The following AOAH variants were observed in gnomAD, a reference collection of about 807,000 sequenced individuals.
AOAH encodes the protein acyloxyacyl hydrolase, also known as acyloxyacyl hydrolase (neutrophil).
Under a neutral mutation model 92.2 loss-of-function variants are expected in AOAH, and 64 were observed. That is an observed-to-expected ratio of 0.69 (90% CI 0.57 to 0.86). The LOEUF (loss-of-function observed/expected upper bound fraction) is 0.86. AOAH is among the 40% of genes least tolerant of loss of function. AOAH has a pLI of 0.00. For synonymous variants in AOAH, 263 were observed against 254.5 expected (o/e 1.03, Z -0.32); for missense variants, 656 against 694.6 (o/e 0.94, Z 0.62).
chr7:36,602,646 G>A (rs7808955), intron 11 of AOAH, among the ~76,000 whole-genome samples: 38,661 of 151,808 alleles, frequency 0.25, 5,146 homozygotes, highest in Middle Eastern at 0.31. Flanking sequence ...AGAGGTACAC[G>A]TCCTCAAAGC....
intron 6 of AOAH, 24 bp downstream of exon 6, chr7:36,632,012 G>T: frequency 5.0e-6 from 8 of 1,585,758 alleles, no homozygotes; most frequent in Non-Finnish European, 6.0e-6. Context: ...CTAGTGCTCA[G>T]GAAGGTAGAA....
At chr7:36,642,172 G>T (rs576351371) in intron 4 of AOAH, among the ~76,000 whole-genome samples, 2 of 151,726 alleles carry the variant, frequency 1.3e-5, no homozygotes, top group Non-Finnish European at 2.9e-5. Context: ...AAGTAATTGC[G>T]GTTTTGCCAT....
chr7:36,566,837 T>A (rs1039983697), intron 13 of AOAH, among the ~76,000 whole-genome samples: 14 of 152,072 alleles, frequency 9.2e-5, no homozygotes, highest in African/African-American at 3.1e-4. Flanking sequence ...CAGAGCCCCC[T>A]CTCAAGGGCT....
intron 6 of AOAH, among the ~76,000 whole-genome samples, chr7:36,626,466 C>A (rs1792672492): frequency 6.6e-6 from 1 of 152,198 alleles, no homozygotes; most frequent in Non-Finnish European, 1.5e-5. Flanking sequence ...AGACTGGGTA[C>A]TCAGAGTAGC....
intron 2 of AOAH, among the ~76,000 whole-genome samples, 174 bp from the exon 3 acceptor site, chr7:36,674,183 A>C (rs972384990): frequency 6.6e-6 from 1 of 152,200 alleles, no homozygotes; most frequent in Non-Finnish European, 1.5e-5. Flanking sequence ...TATCACTTCT[A>C]TCTCAGGTTT....
At chr7:36,638,058 A>G (rs1468567775) in intron 4 of AOAH, 148 bp from the exon 5 acceptor site, 2 of 679,036 alleles carry the variant, frequency 2.9e-6, no homozygotes, top group African/African-American at 1.8e-5. Context: ...CAAGAAGGCA[A>G]TTTCACATTA....
intron 11 of AOAH, among the ~76,000 whole-genome samples, chr7:36,613,215 C>T (rs1791598282): frequency 6.6e-6 from 1 of 152,140 alleles, no homozygotes; most frequent in Admixed American, 6.6e-5. Context: ...ACAATTTTTC[C>T]TTCTTAAAAT....
At chr7:36,570,099 C>G (rs1788036594) in intron 13 of AOAH, among the ~76,000 whole-genome samples, 1 of 152,142 alleles carries the variant, frequency 6.6e-6, no homozygotes, top group African/African-American at 2.4e-5. Context: ...CGTTACACAA[C>G]AGATCCCTAG....
At chr7:36,587,977 C>T (rs574250979) in intron 12 of AOAH, among the ~76,000 whole-genome samples, 12 of 152,222 alleles carry the variant, frequency 7.9e-5, no homozygotes, top group African/African-American at 2.4e-4. Flanking sequence ...GCTCTCATCT[C>T]GCCTACACAA....
intron 11 of AOAH, among the ~76,000 whole-genome samples, chr7:36,610,859 C>T (rs1791404226): frequency 6.6e-6 from 1 of 152,052 alleles, no homozygotes; most frequent in Non-Finnish European, 1.5e-5. Context: ...GATAGATTGC[C>T]CAGCCAAGAA....
chr7:36,720,430 C>T (rs1799547089), intron 1 of AOAH, among the ~76,000 whole-genome samples: 1 of 152,024 alleles, frequency 6.6e-6, no homozygotes, highest in South Asian at 2.1e-4. Flanking sequence ...CTCAGCATCC[C>T]AAAGTGCTGG....
At position 36,626,808 on chromosome 7, in the gene AOAH, G is replaced by A. The variant is rs189946294; in HGVS notation, c.522-3558C>T. The stretch of plus-strand genomic sequence containing the variant: ...TTTTTGTGTTTGTTTTTATAGAGAC[G>A]GGGTCTTGCTCTGTTGCCCAGGCTG... On this transcript the variant is annotated intron_variant, in intron 6 of 20. Coordinates refer to ENST00000617537, the MANE Select transcript of AOAH (RefSeq NM_001637.4). Among the ~76,000 whole-genome samples, 16 of 152,202 alleles carry A rather than the reference G, an allele frequency of 1.1e-4. No homozygotes were observed. In the East Asian group the frequency reaches 1.7e-3, roughly 17 times the overall value.
chr7:36,605,173 G>A (rs558066044), intron 11 of AOAH, among the ~76,000 whole-genome samples: 1 of 152,132 alleles, frequency 6.6e-6, no homozygotes, highest in Non-Finnish European at 1.5e-5. Context: ...CCTCCTAGAC[G>A]TTTGACTAGA....
intron 11 of AOAH, among the ~76,000 whole-genome samples, chr7:36,612,923 G>T (rs1791570979): frequency 6.6e-6 from 1 of 151,976 alleles, no homozygotes; most frequent in South Asian, 2.1e-4. Flanking sequence ...TTTAAATCTT[G>T]CCTTATATTT....
At position 36,578,489 on chromosome 7, in the gene AOAH, A is replaced by G. The variant is rs147736323; in HGVS notation, c.939-1833T>C. Reference sequence around the variant, plus strand: ...CCAAATAACTTACCTATGTGTGTATATAAGACTTGTGATGATAAATAGCAA... The same window carrying G: ...CCAAATAACTTACCTATGTGTGTATGTAAGACTTGTGATGATAAATAGCAA... On this transcript the variant is annotated intron_variant, in intron 12 of 20. Coordinates refer to ENST00000617537, the MANE Select transcript of AOAH (RefSeq NM_001637.4). 2.8e-4 allele frequency among the ~76,000 whole-genome samples: 43 copies of G among 152,324 alleles called. 2 individuals are homozygous for G. Among genetic ancestry groups the G allele is most frequent in the African/African-American group, 8.2e-4 (34 of 41,580 alleles).
chr7:36,656,027 G>A (rs1419460982), intron 4 of AOAH, among the ~76,000 whole-genome samples: 1 of 152,178 alleles, frequency 6.6e-6, no homozygotes. Flanking sequence ...AGGACAGAGT[G>A]AGAAATTGCT....
At chr7:36,629,246 T>A (rs1389816842) in intron 6 of AOAH, among the ~76,000 whole-genome samples, 2 of 152,234 alleles carry the variant, frequency 1.3e-5, no homozygotes, top group Non-Finnish European at 1.5e-5. Context: ...TGCTTTTTCA[T>A]AAAAGAATAA....
At chr7:36,668,135 ACT>A (rs1448108714) in intron 3 of AOAH, among the ~76,000 whole-genome samples, 1 of 151,254 alleles carries the variant, frequency 6.6e-6, no homozygotes, top group Non-Finnish European at 1.5e-5. Flanking sequence ...TTTGTTTTCT[ACT>A]CTTTTTCATT....
chr7:36,629,345 C>T (rs1370388456), intron 6 of AOAH, among the ~76,000 whole-genome samples: 1 of 152,142 alleles, frequency 6.6e-6, no homozygotes, highest in African/African-American at 2.4e-5. Flanking sequence ...GAAGAGTTGT[C>T]ACTTTGACCC....
Sources: allele counts gnomAD v4.1 joint callset (sites outside exome capture counted in the v4.1 genomes callset), GRCh38; gene constraint gnomAD v4.1.1; transcripts MANE v1.5; gene names NCBI Gene and HGNC (gene_info 2026-07-23, HGNC 2026-07-21).